TNRC6B: variants seen among roughly 807,000 people sequenced by gnomAD.
TNRC6B encodes the protein trinucleotide repeat-containing gene 6B protein.
In TNRC6B, 52 loss-of-function variants were observed where a neutral mutation model predicts 203.6. The ratio of observed to expected loss-of-function variants is 0.26; its 90% CI spans 0.20 to 0.32. The LOEUF (loss-of-function observed/expected upper bound fraction) is 0.32. TNRC6B is among the 10% of genes least tolerant of loss of function. The pLI, the probability that TNRC6B is intolerant of heterozygous loss-of-function variation, is 1.00. For missense variants in TNRC6B, 1,923 were observed against 2,286.2 expected (o/e 0.84, Z 3.24); for synonymous variants, 838 against 845.7 (o/e 0.99, Z 0.16).
intron 1 of TNRC6B, among the ~76,000 whole-genome samples, chr22:40,109,525 A>G (rs987995364): frequency 6.6e-6 from 1 of 152,130 alleles, no homozygotes; most frequent in African/African-American, 2.4e-5. Context: ...TCATTTCTCT[A>G]ATGATCAGTG....
intron 4 of TNRC6B, 48 bp downstream of exon 4, chr22:40,262,221 G>A (rs751478082): frequency 3.0e-6 from 4 of 1,329,700 alleles, no homozygotes; most frequent in East Asian, 2.6e-5. Context: ...CAGAGAGAGA[G>A]CACTTTGTTT....
intron 5 of TNRC6B, among the ~76,000 whole-genome samples, chr22:40,268,867 C>G (rs2070517278): frequency 6.6e-6 from 1 of 151,630 alleles, no homozygotes; most frequent in African/African-American, 2.4e-5. Context: ...GAGCTGAGAT[C>G]ACGCCACTGC....
intron 1 of TNRC6B, among the ~76,000 whole-genome samples, chr22:40,069,159 A>AC (rs2067924124): frequency 6.6e-6 from 1 of 152,088 alleles, no homozygotes; most frequent in Admixed American, 6.6e-5. Flanking sequence ...TAGTGCAGGT[A>AC]CAATCATGCC....
intron 4 of TNRC6B, among the ~76,000 whole-genome samples, chr22:40,161,781 C>A (rs1382045522): frequency 6.6e-6 from 1 of 152,142 alleles, no homozygotes; most frequent in Non-Finnish European, 1.5e-5. Flanking sequence ...CTAATGTAAT[C>A]ATTTTTCTGG....
chr22:40,061,381 A>ATT (rs547333413), intron 1 of TNRC6B, among the ~76,000 whole-genome samples: 3,104 of 144,362 alleles, frequency 0.022, 82 homozygotes, highest in African/African-American at 0.066. Context: ...CGTCTGCCTA[A>ATT]TTTTTTTTTT....
chr22:40,045,110 C>T (rs1457872663), intron 1 of TNRC6B: 3 of 143,882 alleles, frequency 2.1e-5, no homozygotes, highest in Non-Finnish European at 4.6e-5. Context: ...CGGCGCGGCC[C>T]GGGGCGGTGA....
At position 40,062,051 on chromosome 22, in the gene TNRC6B, G is replaced by C. The variant is rs550210962; in HGVS notation, c.-121+17053G>C. 2.0e-5 allele frequency among the ~76,000 whole-genome samples: 3 copies of C among 152,168 alleles called. No homozygotes were observed. In the East Asian group the frequency reaches 5.8e-4, roughly 29 times the overall value. ...ATTGTGCCATTACGCTCCAGCCTGG[G>C]CAACACAGCGAGACTCTGTCTCAAA... is the stretch of plus-strand genomic sequence containing the variant. On this transcript the variant is annotated intron_variant, in intron 1 of 23. Transcript: ENST00000301923.
At chr22:40,301,761 C>A (rs1297312774) in intron 15 of TNRC6B, among the ~76,000 whole-genome samples, 1 of 152,132 alleles carries the variant, frequency 6.6e-6, no homozygotes. Flanking sequence ...TTGTTTCCAC[C>A]TTTTAACTAC....
intron 1 of TNRC6B, among the ~76,000 whole-genome samples, chr22:40,048,790 C>T (rs982315615): frequency 1.3e-5 from 2 of 152,086 alleles, no homozygotes; most frequent in Admixed American, 6.6e-5. Context: ...CTTTGTATCA[C>T]GGCTTTCTCT....
intron 12 of TNRC6B, among the ~76,000 whole-genome samples, chr22:40,297,052 C>A (rs551526104): frequency 1.2e-4 from 18 of 152,318 alleles, no homozygotes; most frequent in African/African-American, 4.3e-4. Flanking sequence ...CTTTTGAGTA[C>A]GTATGGCAGT....
In TNRC6B at chr22:40,177,932, G is replaced by T; in HGVS notation, c.-204G>T. On this transcript the variant is annotated 5_prime_UTR_variant, in exon 1 of 23. Transcript: ENST00000454349. ...CAAAAAGCTGCTTCCTTTAGAGACA[G>T]AGAGGGAGAGAGAGAGCAAGAGGGA... 2 of 1,362,006 alleles carry T rather than the reference G, an allele frequency of 1.5e-6. No individual in the cohort carries two copies. The highest frequency in any genetic ancestry group is 1.9e-6 in the Non-Finnish European group (2 of 1,061,114). The allele number at this position is 1,362,006 out of a possible 1,614,324, so 84.4% of individuals were successfully genotyped here. A position where few individuals can be genotyped will look rare whatever the true frequency, so the allele number is the denominator to read the frequency against.
At chr22:40,088,576 G>A (rs1446331712) in intron 1 of TNRC6B, among the ~76,000 whole-genome samples, 11 of 130,182 alleles carry the variant, frequency 8.4e-5, no homozygotes, top group African/African-American at 2.3e-4. Context: ...CATGCCCGGC[G>A]GCTACTTTTG....
intron 3 of TNRC6B, among the ~76,000 whole-genome samples, chr22:40,130,079 A>C (rs1445883074): frequency 1.3e-5 from 2 of 152,248 alleles, no homozygotes; most frequent in African/African-American, 4.8e-5. Flanking sequence ...TAAATGGAAG[A>C]GAGAACAATG....
At chr22:40,211,272 G>A (rs890622795) in intron 1 of TNRC6B, among the ~76,000 whole-genome samples, 1 of 152,112 alleles carries the variant, frequency 6.6e-6, no homozygotes, top group Admixed American at 6.5e-5. Context: ...TAGAAAGGAG[G>A]TCTTGCCATG....
At chr22:40,279,956 G>T in intron 9 of TNRC6B, 39 bp from the exon 10 acceptor site, 1 of 1,608,790 alleles carries the variant, frequency 6.2e-7, no homozygotes, top group South Asian at 1.1e-5. Flanking sequence ...GGGAAACATT[G>T]ATTCTGGAAA....
At chr22:40,278,358 G>C (rs187533007) in intron 9 of TNRC6B, among the ~76,000 whole-genome samples, 2 of 152,020 alleles carry the variant, frequency 1.3e-5, no homozygotes, top group Admixed American at 1.3e-4. Context: ...AAGAGATCGA[G>C]ACCATCCTGG....
intron 1 of TNRC6B, among the ~76,000 whole-genome samples, chr22:40,182,193 C>T (rs1042812017): frequency 1.1e-4 from 16 of 151,240 alleles, no homozygotes; most frequent in Non-Finnish European, 7.4e-5. Context: ...TGCAGTGAGC[C>T]GAGATTGTGC....
At chr22:40,064,076 A>G (rs574841785) in intron 1 of TNRC6B, among the ~76,000 whole-genome samples, 2 of 152,334 alleles carry the variant, frequency 1.3e-5, no homozygotes, top group East Asian at 1.9e-4. Context: ...TAGAAATACA[A>G]TGGATTTTAA....
intron 1 of TNRC6B, among the ~76,000 whole-genome samples, chr22:40,197,533 C>T (rs1445670211): frequency 6.6e-6 from 1 of 151,918 alleles, no homozygotes; most frequent in African/African-American, 2.4e-5. Context: ...ATGATCTACC[C>T]CCCTCGGCCT....
Sources: gnomAD v4.1 joint callset for allele counts (sites outside exome capture counted in the v4.1 genomes callset) on GRCh38, gnomAD v4.1.1 for gene constraint, MANE v1.5 for transcripts, NCBI Gene and HGNC (gene_info 2026-07-23, HGNC 2026-07-21) for gene names.